NRXN1: variants seen among roughly 807,000 people sequenced by gnomAD.
NRXN1 encodes neurexin 1, also known as neurexin-1.
A neutral mutation model predicts 150.9 loss-of-function variants in NRXN1; 39 were observed. The observed-to-expected ratio is 0.26, with a 90% CI of 0.20 to 0.34. The LOEUF (loss-of-function observed/expected upper bound fraction) is 0.34. NRXN1 is among the 10% of genes least tolerant of loss of function. The pLI is 1.00. For missense variants in NRXN1, 1,815 were observed against 1,949.9 expected (o/e 0.93, Z 1.30); for synonymous variants, 924 against 757.0 (o/e 1.22, Z -3.62).
chr2:50,367,378 A>G (rs966768738), intron 17 of NRXN1, among the ~76,000 whole-genome samples: 3 of 152,154 alleles, frequency 2.0e-5, no homozygotes, highest in Admixed American at 6.6e-5. Flanking sequence ...TAAGAAACAC[A>G]TCTTCCCAGG....
intron 22 of NRXN1, among the ~76,000 whole-genome samples, chr2:49,941,996 GT>G (rs1672057125): frequency 6.6e-6 from 1 of 152,022 alleles, no homozygotes; most frequent in East Asian, 1.9e-4. Context: ...GACTTTTTTT[GT>G]TGTTGTTGTT....
intron 5 of NRXN1, among the ~76,000 whole-genome samples, chr2:50,806,911 T>C (rs1177970774): frequency 1.3e-5 from 2 of 152,196 alleles, no homozygotes; most frequent in African/African-American, 2.4e-5. Flanking sequence ...AGGTACTTTG[T>C]GTTACATTCC....
At chr2:50,103,669 C>T (rs747551404) in intron 18 of NRXN1, among the ~76,000 whole-genome samples, 1 of 152,006 alleles carries the variant, frequency 6.6e-6, no homozygotes, top group Admixed American at 6.6e-5. Flanking sequence ...AACTCATGGA[C>T]GTTTTGAACT....
At chr2:50,898,987 C>A (rs985588039) in intron 5 of NRXN1, among the ~76,000 whole-genome samples, 1 of 151,708 alleles carries the variant, frequency 6.6e-6, no homozygotes, top group African/African-American at 2.4e-5. Context: ...AAAGAAATAC[C>A]TGTCAAACAG....
At chr2:50,441,412 T>A (rs1317661053) in intron 17 of NRXN1, among the ~76,000 whole-genome samples, 2 of 152,156 alleles carry the variant, frequency 1.3e-5, no homozygotes, top group African/African-American at 4.8e-5. Flanking sequence ...TCTTAAAATT[T>A]AAAAAAATTA....
intron 17 of NRXN1, among the ~76,000 whole-genome samples, chr2:50,362,183 C>A (rs920660376): frequency 6.6e-6 from 1 of 152,078 alleles, no homozygotes; most frequent in Non-Finnish European, 1.5e-5. Flanking sequence ...CCTTTGAAAA[C>A]CGGCACAAGA....
chr2:50,638,751 CA>C (rs1683604301), intron 5 of NRXN1, among the ~76,000 whole-genome samples: 1 of 152,100 alleles, frequency 6.6e-6, no homozygotes, highest in Non-Finnish European at 1.5e-5. Flanking sequence ...CAGTATATGG[CA>C]AAAATATTTG....
At chr2:50,419,067 G>T (rs1054514651) in intron 17 of NRXN1, among the ~76,000 whole-genome samples, 3 of 151,908 alleles carry the variant, frequency 2.0e-5, no homozygotes, top group Admixed American at 2.0e-4. Flanking sequence ...GCCATGATTT[G>T]CCCCAAAATT....
intron 17 of NRXN1, among the ~76,000 whole-genome samples, chr2:50,441,927 G>A (rs2085988493): frequency 6.6e-6 from 1 of 152,122 alleles, no homozygotes; most frequent in South Asian, 2.1e-4. Context: ...GGGATGATAT[G>A]ATAAACCATC....
intron 17 of NRXN1, among the ~76,000 whole-genome samples, chr2:50,264,773 C>T (rs781285262): frequency 6.6e-6 from 1 of 151,966 alleles, no homozygotes; most frequent in Non-Finnish European, 1.5e-5. Flanking sequence ...GGAAACATTT[C>T]AGTAAAGAGT....
In NRXN1 at chr2:50,552,569, G is replaced by C; in HGVS notation, c.1759+18C>G. On this transcript the variant is annotated intron_variant, in intron 9 of 22. Coordinates refer to ENST00000401669, the MANE Select transcript of NRXN1 (RefSeq NM_001330078.2). ...GGTGCTCCAGCAGATAAACAGCATAGAAAAATGATAAGATTACCTGACCGT... is the reference window on the plus strand; with the variant it reads ...GGTGCTCCAGCAGATAAACAGCATACAAAAATGATAAGATTACCTGACCGT... 1 of 1,593,630 alleles carries C rather than the reference G, an allele frequency of 6.3e-7. No homozygotes were observed. Among genetic ancestry groups the C allele is most frequent in the Non-Finnish European group, 8.6e-7 (1 of 1,163,392 alleles).
chr2:50,261,225 C>T (rs1426657273), intron 17 of NRXN1, among the ~76,000 whole-genome samples: 1 of 151,730 alleles, frequency 6.6e-6, no homozygotes, highest in Non-Finnish European at 1.5e-5. Context: ...AGGGAAGTAA[C>T]ATACACATTA....
At chr2:49,983,630 A>C (rs1680375873) in intron 21 of NRXN1, among the ~76,000 whole-genome samples, 1 of 152,138 alleles carries the variant, frequency 6.6e-6, no homozygotes, top group Admixed American at 6.6e-5. Context: ...TGGAATCAGA[A>C]AATGTCTTTT....
At chr2:50,820,733 A>C (rs1669605492) in intron 5 of NRXN1, among the ~76,000 whole-genome samples, 1 of 152,080 alleles carries the variant, frequency 6.6e-6, no homozygotes, top group Non-Finnish European at 1.5e-5. Flanking sequence ...AACAAGGAGG[A>C]GCCTGGTGTG....
chr2:49,943,844 C>T, intron 21 of NRXN1, 53 bp from the exon 22 acceptor site: 2 of 1,281,354 alleles, frequency 1.6e-6, no homozygotes, highest in Non-Finnish European at 2.2e-6. Context: ...AACAGATTCT[C>T]TCATCTTTGT....
Position 50,984,573 on chromosome 2 carries a change from T to C in NRXN1, c.772+42929A>G, listed in dbSNP as rs574207070. The stretch of plus-strand genomic sequence containing the variant: ...TTTTGACTTTTCTTCCTGAGTCCTA[T>C]AGGCTGAAGGCTATATCTGGGATAG... On this transcript the variant is annotated intron_variant, in intron 2 of 22. Transcript: ENST00000401669. 2.0e-5 allele frequency among the ~76,000 whole-genome samples: 3 copies of C among 152,180 alleles called. No individual in the cohort carries two copies. In the South Asian group the frequency reaches 6.2e-4, roughly 31 times the overall value.
chr2:50,322,628 T>C (rs1157677944), intron 17 of NRXN1, among the ~76,000 whole-genome samples: 1 of 152,224 alleles, frequency 6.6e-6, no homozygotes, highest in East Asian at 1.9e-4. Context: ...TAAATACGCA[T>C]TCATTCCTTG....
intron 16 of NRXN1, among the ~76,000 whole-genome samples, chr2:50,470,182 A>C (rs2104687697): frequency 6.6e-6 from 1 of 151,866 alleles, no homozygotes; most frequent in Admixed American, 6.6e-5. Context: ...CTTTCTTTAA[A>C]AAATAAAATA....
At chr2:50,764,063 G>A (rs1702123478) in intron 5 of NRXN1, among the ~76,000 whole-genome samples, 1 of 147,784 alleles carries the variant, frequency 6.8e-6, no homozygotes, top group African/African-American at 2.5e-5. Context: ...CTCCTCCCTT[G>A]TCTCCTCAGT....
Sources: gnomAD v4.1 joint callset for allele counts (sites outside exome capture counted in the v4.1 genomes callset) on GRCh38, gnomAD v4.1.1 for gene constraint, MANE v1.5 for transcripts, NCBI Gene and HGNC (gene_info 2026-07-23, HGNC 2026-07-21) for gene names.